The following CEP164 variants were observed in gnomAD, a reference collection of about 807,000 sequenced individuals.
The protein encoded by CEP164 is centrosomal protein 164, also known as centrosomal protein of 164 kDa.
CEP164 carries 162 observed loss-of-function variants against 182.7 expected under a neutral mutation model. The ratio of observed to expected loss-of-function variants is 0.89; its 90% CI spans 0.78 to 1.01. The LOEUF is 1.01. Among genes scored for constraint, CEP164 ranks in the 50% least tolerant of loss-of-function variants. The probability of loss-of-function intolerance (pLI) is 0.00; values close to 1 mark genes in which losing one functional copy is unlikely to be tolerated. For synonymous variants in CEP164, 661 were observed against 690.0 expected, an observed-to-expected ratio of 0.96 and a Z score of 0.66; for missense variants, 1,735 against 1,790.4, an observed-to-expected ratio of 0.97 and a Z score of 0.56.
In CEP164 at chr11:117,363,413, T is replaced by C; in HGVS notation, c.688-16T>C. ...GTTTCTTCAGAGTTACCACTTGTCA[T>C]CATTTTTGTTTCTAGAGTGTCCACA... On this transcript the variant is annotated splice_polypyrimidine_tract_variant and intron_variant, in intron 7 of 32. Transcript: ENST00000278935. 1 of 1,602,194 alleles carries C rather than the reference T, an allele frequency of 6.2e-7. No homozygotes were observed.
chr11:117,366,900 C>A (rs1396163076), intron 8 of CEP164, among the ~76,000 whole-genome samples: 1 of 152,130 alleles, frequency 6.6e-6, no homozygotes, highest in Non-Finnish European at 1.5e-5. Context: ...TGAAATGATT[C>A]TTATAAGCTC....
intron 5 of CEP164, chr11:117,355,156 T>A (rs1021449003): frequency 3.1e-6 from 4 of 1,289,852 alleles, no homozygotes; most frequent in Non-Finnish European, 4.0e-6. Flanking sequence ...AAGGCCAACC[T>A]TCCCAAATCC....
At chr11:117,357,189 G>A (rs138619593) in intron 5 of CEP164, among the ~76,000 whole-genome samples, 81 of 148,474 alleles carry the variant, frequency 5.5e-4, no homozygotes, top group African/African-American at 8.1e-4. Flanking sequence ...CACCTCCATC[G>A]CTTGAATCCC....
chr11:117,346,018 T>G (rs2038846201), intron 4 of CEP164, among the ~76,000 whole-genome samples: 1 of 152,088 alleles, frequency 6.6e-6, no homozygotes. Flanking sequence ...TCCTTTAACC[T>G]TCTCCCACCT....
intron 3 of CEP164, among the ~76,000 whole-genome samples, chr11:117,342,373 C>G (rs2038248409): frequency 6.6e-6 from 1 of 152,190 alleles, no homozygotes; most frequent in South Asian, 2.1e-4. Context: ...TGGGCTATTA[C>G]CAGCTTAAGC....
chr11:117,394,571 C>CT lies in CEP164; in HGVS notation c.2760+78_2760+79insT. 1 of 1,533,704 alleles carries CT rather than the reference C, an allele frequency of 6.5e-7. No homozygotes were observed. Among genetic ancestry groups the CT allele is most frequent in the Non-Finnish European group, 8.8e-7 (1 of 1,131,774 alleles). ...GAAGGTGCTGGGAGCAGACGCATGG[C>CT]CCCAGCAGGATGCAGCCTGACAGCT... On this transcript the variant is annotated intron_variant, in intron 21 of 32. Transcript: ENST00000278935. The surrounding 1 kb of genome is among the most constrained non-coding windows in gnomAD (Gnocchi z 4.0).
At position 117,344,285 on chromosome 11, in the gene CEP164, A is replaced by G; in HGVS notation, c.194+8A>G. The G allele has an allele frequency of 6.3e-7, 1 of 1,599,010 alleles. No individual in the cohort carries two copies. On this transcript the variant is annotated splice_region_variant and intron_variant, in intron 4 of 32. Transcript: ENST00000278935. Reference sequence around the variant, plus strand: ...TGGAGAGTGGAAACCATGGTAAGTCAGCAGGGGGTGCGGCCACTGACTTGG... The same window carrying G: ...TGGAGAGTGGAAACCATGGTAAGTCGGCAGGGGGTGCGGCCACTGACTTGG...
intron 5 of CEP164, among the ~76,000 whole-genome samples, chr11:117,357,425 T>TC (rs1354242853): frequency 1.1e-5 from 1 of 87,784 alleles, no homozygotes; most frequent in Admixed American, 1.3e-4. Context: ...TTAATATTCT[T>TC]TTTTTTTTTT....
In CEP164 at chr11:117,336,315, G is replaced by A. The variant is rs1432086366; in HGVS notation, c.-22+635G>A. ...TCTTCATTTTATTCTGCATCTTCTTGTCCGCTGTCACTGCTGGTCTGACCA... is the reference window on the plus strand; with the variant it reads ...TCTTCATTTTATTCTGCATCTTCTTATCCGCTGTCACTGCTGGTCTGACCA... On this transcript the variant is annotated intron_variant, in intron 2 of 32. Coordinates refer to ENST00000278935, the MANE Select transcript of CEP164 (RefSeq NM_014956.5). 2.0e-6 allele frequency: 3 copies of A among 1,503,366 alleles called. No homozygotes were observed. The Admixed American group carries it at 5.0e-5, about 25-fold the overall frequency. 93.1% of individuals were successfully genotyped at this position (1,503,366 alleles called of 1,614,324 possible).
At chr11:117,392,418 T>C in intron 18 of CEP164, 78 bp from the exon 19 acceptor site, 1 of 1,573,146 alleles carries the variant, frequency 6.4e-7, no homozygotes, top group South Asian at 1.2e-5. Flanking sequence ...TGCCAGGTCC[T>C]CAGAACACAT....
At chr11:117,401,138 C>T (rs1273005800) in intron 27 of CEP164, among the ~76,000 whole-genome samples, 3 of 152,072 alleles carry the variant, frequency 2.0e-5, no homozygotes, top group African/African-American at 7.2e-5. Flanking sequence ...ATAAATAGCT[C>T]TTATTATTTT....
At chr11:117,357,328 C>T (rs907174127) in intron 5 of CEP164, among the ~76,000 whole-genome samples, 23 of 151,898 alleles carry the variant, frequency 1.5e-4, no homozygotes, top group African/African-American at 5.1e-4. Context: ...AGGCTGGTCT[C>T]GAACTCCTGG....
intron 17 of CEP164, among the ~76,000 whole-genome samples, chr11:117,391,869 A>G (rs1469360204): frequency 6.6e-6 from 1 of 152,110 alleles, no homozygotes; most frequent in Non-Finnish European, 1.5e-5. Context: ...TAAAAAGAAA[A>G]TTCTACATGG....
chr11:117,397,746 C>T (rs557873840), intron 27 of CEP164, among the ~76,000 whole-genome samples: 33 of 152,142 alleles, frequency 2.2e-4, no homozygotes, highest in Non-Finnish European at 4.4e-4. Flanking sequence ...ATCACGAGAA[C>T]AGTATGGGGG....
intron 17 of CEP164, 25 bp downstream of exon 17, chr11:117,391,240 A>C: frequency 1.4e-5 from 22 of 1,579,758 alleles, no homozygotes; most frequent in Non-Finnish European, 1.6e-5. Flanking sequence ...TGGGGACCTC[A>C]CCCTCTGACC....
At chr11:117,361,476 G>A (rs567354944) in intron 5 of CEP164, among the ~76,000 whole-genome samples, 2 of 152,002 alleles carry the variant, frequency 1.3e-5, no homozygotes, top group Non-Finnish European at 1.5e-5. Flanking sequence ...TCCTGACCTC[G>A]TGATTCACCC....
chr11:117,369,861 G>A (rs2042022311), intron 8 of CEP164, among the ~76,000 whole-genome samples: 1 of 152,230 alleles, frequency 6.6e-6, no homozygotes, highest in African/African-American at 2.4e-5. Flanking sequence ...AGTGAGGTTT[G>A]TATGTGAGGA....
At chr11:117,410,674 AAAAT>A (rs2047250734) in intron 30 of CEP164, 150 bp from the exon 31 acceptor site, 2 of 553,308 alleles carry the variant, frequency 3.6e-6, no homozygotes, top group African/African-American at 1.9e-5. Context: ...TTTTAAAAAT[AAAAT>A]AAATAGGACC....
At chr11:117,374,523 G>T (rs140038423) in intron 10 of CEP164, among the ~76,000 whole-genome samples, 1 of 152,190 alleles carries the variant, frequency 6.6e-6, no homozygotes, top group Non-Finnish European at 1.5e-5. Flanking sequence ...AGAAGAATTA[G>T]GAAGCTGTGT....
Sources: gnomAD v4.1 joint callset for allele counts (sites outside exome capture counted in the v4.1 genomes callset) on GRCh38, gnomAD v4.1.1 for gene constraint, Gnocchi (gnomAD v3.1) non-coding constraint, MANE v1.5 for transcripts, NCBI Gene and HGNC (gene_info 2026-07-23, HGNC 2026-07-21) for gene names.